Variants in ATP6V1A observed in about 807,000 individuals in gnomAD.
ATP6V1A encodes the protein ATPase H+ transporting V1 subunit A.
A neutral mutation model predicts 70.1 loss-of-function variants in ATP6V1A; 18 were observed. That is an observed-to-expected ratio of 0.26 (90% CI 0.18 to 0.38). The LOEUF (loss-of-function observed/expected upper bound fraction) is 0.38. Among genes scored for constraint, ATP6V1A ranks in the 10% least tolerant of loss-of-function variants. ATP6V1A has a pLI of 1.00. For synonymous variants in ATP6V1A, 232 were observed against 253.8 expected (o/e 0.91, Z 0.82); for missense variants, 424 against 772.4 (o/e 0.55, Z 5.35).
chr3:113,762,185 A>G (rs966257502), intron 1 of ATP6V1A, among the ~76,000 whole-genome samples: 5 of 142,700 alleles, frequency 3.5e-5, no homozygotes, highest in South Asian at 2.2e-4. Context: ...ATTTTAAGCA[A>G]TTGCCTTTTT....
intron 1 of ATP6V1A, among the ~76,000 whole-genome samples, chr3:113,766,247 C>A (rs1250795169): frequency 1.3e-5 from 2 of 151,602 alleles, no homozygotes; most frequent in Non-Finnish European, 2.9e-5. Flanking sequence ...CTTCTTGTAT[C>A]CTCACATGGT....
chr3:113,789,830 T>C lies in ATP6V1A; in HGVS notation c.978T>C (p.Ser326=). 1 of 1,596,174 alleles carries C rather than the reference T, an allele frequency of 6.3e-7. No individual in the cohort carries two copies. Among genetic ancestry groups the C allele is most frequent in the Non-Finnish European group, 8.6e-7 (1 of 1,163,684 alleles). ...SNMPVAAREA[S]IYTGITLSEY... Reference sequence around the variant, plus strand: ...TGCCTGTTGCTGCTAGAGAAGCCTCTATTTATACTGGTGAGTATATAATTG... The same window carrying C: ...TGCCTGTTGCTGCTAGAGAAGCCTCCATTTATACTGGTGAGTATATAATTG... Residue 326 remains serine (S), a synonymous_variant, in exon 8 of 15, where the codon TCT becomes TCC. Transcript: ENST00000273398.
At position 113,751,207 on chromosome 3, in the gene ATP6V1A, A is replaced by T. The variant is rs866832782; in HGVS notation, c.-14+4094A>T. Among the ~76,000 whole-genome samples the T allele has an allele frequency of 4.6e-5, 7 of 152,230 alleles. No homozygotes were observed. In the Middle Eastern group the frequency reaches 0.017, roughly 370 times the overall value. On this transcript the variant is annotated intron_variant, in intron 1 of 14. Coordinates refer to ENST00000273398, the MANE Select transcript of ATP6V1A (RefSeq NM_001690.4). ...CTTTTTAAAAAAATTAAGTGTTTTT[A>T]TATCTTATTTTTATCCTTATATGAA...
chr3:113,782,322 G>A (rs1708984635), intron 3 of ATP6V1A, among the ~76,000 whole-genome samples: 1 of 151,516 alleles, frequency 6.6e-6, no homozygotes. Context: ...TCTTTTTCAT[G>A]GCTTGAAGAT....
At chr3:113,753,367 G>GTT (rs1474000482) in intron 1 of ATP6V1A, among the ~76,000 whole-genome samples, 1 of 152,180 alleles carries the variant, frequency 6.6e-6, no homozygotes, top group Non-Finnish European at 1.5e-5. Context: ...GTTTTTCCTA[G>GTT]TAAACAATCA....
chr3:113,779,519 A>G (rs1395685546), intron 2 of ATP6V1A, among the ~76,000 whole-genome samples: 1 of 152,150 alleles, frequency 6.6e-6, no homozygotes, highest in Non-Finnish European at 1.5e-5. Context: ...ACCTCATGCT[A>G]TATAGTCTTT....
chr3:113,811,819 T>C lies in ATP6V1A; in HGVS notation c.*2392T>C, dbSNP rs1709344431. 6.6e-6 allele frequency: 1 copy of C among 152,598 alleles called. No individual in the cohort carries two copies. The highest frequency in any genetic ancestry group is 1.5e-5 in the Non-Finnish European group (1 of 68,016). The allele number at this position is 152,598 out of a possible 1,614,324, so 9.5% of individuals were successfully genotyped here. A position where few individuals can be genotyped will look rare whatever the true frequency, so the allele number is the denominator to read the frequency against. On this transcript the variant is annotated 3_prime_UTR_variant, in exon 15 of 15. Transcript: ENST00000273398. ...ATGATCTTTTAAAAAGATGATGCAG[T>C]TCTGTATTTATTGTGCTGTGTCTGG...
intron 1 of ATP6V1A, among the ~76,000 whole-genome samples, chr3:113,759,172 T>C (rs968257266): frequency 6.6e-6 from 1 of 152,210 alleles, no homozygotes; most frequent in Non-Finnish European, 1.5e-5. Flanking sequence ...TTTATTCTTT[T>C]GTGGATTGTG....
chr3:113,803,764 C>A lies in ATP6V1A; in HGVS notation c.1589+87C>A, dbSNP rs535189332. 3,987 of 866,490 alleles carry A rather than the reference C, an allele frequency of 4.6e-3. 18 individuals carry two copies. The highest frequency in any genetic ancestry group is 6.3e-3 in the Non-Finnish European group (3,420 of 541,782). The allele number at this position is 866,490 out of a possible 1,614,324, so 53.7% of individuals were successfully genotyped here. A position where few individuals can be genotyped will look rare whatever the true frequency, so the allele number is the denominator to read the frequency against. ...TACACATTAAAAACCCTTTTTTATT[C>A]TCATACAGGCTCATACACTCTGACT... On this transcript the variant is annotated intron_variant, in intron 13 of 14. Coordinates refer to ENST00000273398, the MANE Select transcript of ATP6V1A (RefSeq NM_001690.4).
At chr3:113,790,353 G>A (rs1043765956) in intron 8 of ATP6V1A, among the ~76,000 whole-genome samples, 1 of 149,812 alleles carries the variant, frequency 6.7e-6, no homozygotes, top group African/African-American at 2.5e-5. Flanking sequence ...TTCAGAATAA[G>A]TGAATGTAAG....
chr3:113,803,511 C>A, intron 12 of ATP6V1A, 72 bp from the exon 13 acceptor site: 2 of 1,113,220 alleles, frequency 1.8e-6, no homozygotes, highest in Non-Finnish European at 2.7e-6. Flanking sequence ...ATAGTTTCTG[C>A]TTGTTAATTA....
chr3:113,754,848 AT>A (rs1339100531), intron 1 of ATP6V1A, among the ~76,000 whole-genome samples: 1 of 152,232 alleles, frequency 6.6e-6, no homozygotes, highest in African/African-American at 2.4e-5. Flanking sequence ...TAATTGTTTA[AT>A]ACTTGATTTC....
At chr3:113,778,404 A>G (rs1353455540) in intron 1 of ATP6V1A, among the ~76,000 whole-genome samples, 1 of 151,700 alleles carries the variant, frequency 6.6e-6, no homozygotes, top group Admixed American at 6.6e-5. Flanking sequence ...AAAAAAACAA[A>G]CAAACAAACA....
intron 1 of ATP6V1A, among the ~76,000 whole-genome samples, chr3:113,769,134 G>C (rs1708805565): frequency 6.6e-6 from 1 of 152,206 alleles, no homozygotes; most frequent in African/African-American, 2.4e-5. Context: ...TAATAGGATT[G>C]CTAGGTAGGT....
At chr3:113,747,611 C>T in intron 1 of ATP6V1A, among the ~76,000 whole-genome samples, 1 of 152,176 alleles carries the variant, frequency 6.6e-6, no homozygotes, top group East Asian at 1.9e-4. Flanking sequence ...TGAAGCTTCC[C>T]TCCGAATGTG....
intron 1 of ATP6V1A, among the ~76,000 whole-genome samples, chr3:113,751,503 T>C (rs1298242072): frequency 6.6e-6 from 1 of 151,962 alleles, no homozygotes; most frequent in African/African-American, 2.4e-5. Context: ...GATTTAGGAA[T>C]GAATTTATTC....
chr3:113,757,988 AC>A (rs1464687519), intron 1 of ATP6V1A, among the ~76,000 whole-genome samples: 1 of 152,162 alleles, frequency 6.6e-6, no homozygotes, highest in Non-Finnish European at 1.5e-5. Context: ...TACTGAAAAT[AC>A]AAAAATTAGC....
intron 1 of ATP6V1A, among the ~76,000 whole-genome samples, chr3:113,762,024 T>A (rs1288594729): frequency 7.8e-6 from 1 of 127,564 alleles, no homozygotes; most frequent in Non-Finnish European, 1.7e-5. Flanking sequence ...TGGAGGCACA[T>A]GCCTGTAATC....
At chr3:113,775,320 C>T (rs1254052378) in intron 1 of ATP6V1A, among the ~76,000 whole-genome samples, 3 of 151,214 alleles carry the variant, frequency 2.0e-5, no homozygotes, top group Non-Finnish European at 4.4e-5. Context: ...ACCTCCTCCT[C>T]CCGGGTTCAA....
Sources: gnomAD v4.1 joint callset for allele counts (sites outside exome capture counted in the v4.1 genomes callset) on GRCh38, gnomAD v4.1.1 for gene constraint, MANE v1.5 for transcripts, NCBI Gene and HGNC (gene_info 2026-07-23, HGNC 2026-07-21) for gene names.